PCDHA1: variants seen among roughly 807,000 people sequenced by gnomAD.
The protein encoded by PCDHA1 is protocadherin alpha-1.
In PCDHA1, 42 loss-of-function variants were observed where a neutral mutation model predicts 61.3. The observed-to-expected ratio is 0.69, with a 90% confidence interval of 0.54 to 0.89. The LOEUF (loss-of-function observed/expected upper bound fraction) is 0.89. Ranked by LOEUF, PCDHA1 falls within the 40% of genes least tolerant of loss-of-function variation. PCDHA1 has a pLI of 0.00. For missense variants in PCDHA1, 1,256 were observed against 1,235.3 expected (o/e 1.02, Z -0.25); for synonymous variants, 610 against 553.8 (o/e 1.10, Z -1.43).
At chr5:140,794,038 C>A (rs190893090) in intron 1 of PCDHA1, among the ~76,000 whole-genome samples, 5 of 152,258 alleles carry the variant, frequency 3.3e-5, no homozygotes, top group African/African-American at 1.2e-4. Context: ...GAATTGAAAG[C>A]AGGGTCTCAA....
At chr5:140,942,705 T>TA (rs1220612434) in intron 1 of PCDHA1, among the ~76,000 whole-genome samples, 1 of 152,100 alleles carries the variant, frequency 6.6e-6, no homozygotes, top group Non-Finnish European at 1.5e-5. Flanking sequence ...AAATATGAAG[T>TA]AAAAGTATGA....
At chr5:140,937,386 G>T (rs1450799946) in intron 1 of PCDHA1, among the ~76,000 whole-genome samples, 2 of 152,092 alleles carry the variant, frequency 1.3e-5, no homozygotes, top group African/African-American at 4.8e-5. Context: ...GTGTGTATGT[G>T]TATATAGGGG....
chr5:140,988,574 T>C (rs538316418), intron 3 of PCDHA1, among the ~76,000 whole-genome samples: 1 of 152,342 alleles, frequency 6.6e-6, no homozygotes, highest in East Asian at 1.9e-4. Context: ...GAAAACACTC[T>C]GTACCTTCCA....
intron 1 of PCDHA1, chr5:140,859,624 G>C (rs11749013): frequency 0.2 from 31,664 of 160,658 alleles, 6,158 homozygotes; most frequent in Middle Eastern, 0.25. Context: ...TTCTCTTTGA[G>C]TATGGAGATT....
At chr5:140,865,279 T>C (rs2048807818) in intron 1 of PCDHA1, 1 of 152,232 alleles carries the variant, frequency 6.6e-6, no homozygotes, top group African/African-American at 2.4e-5. Flanking sequence ...TATGTAAAAT[T>C]ACTTTGCTCT....
rs1263474406 is a variant in PCDHA1, at chr5:140,967,341, A to G, written c.2395-11608A>G. ...ACCTACGAGCTCAGCCCCAGCGAGCACTTCGAGCTGGACCTTAAGCCCCTG... is the reference window on the plus strand; with the variant it reads ...ACCTACGAGCTCAGCCCCAGCGAGCGCTTCGAGCTGGACCTTAAGCCCCTG... On this transcript the variant is annotated intron_variant, in intron 1 of 3. Coordinates refer to ENST00000504120, the MANE Select transcript of PCDHA1 (RefSeq NM_018900.4). 3 of 1,607,922 alleles carry G rather than the reference A, an allele frequency of 1.9e-6. No homozygotes were observed. The highest frequency in any genetic ancestry group is 1.3e-5 in the African/African-American group (1 of 74,782).
intron 1 of PCDHA1, chr5:140,805,239 T>A (rs1352814406): frequency 1.2e-5 from 16 of 1,347,520 alleles, no homozygotes; most frequent in Non-Finnish European, 9.5e-7. Flanking sequence ...GCATTCCCCA[T>A]CTGTACATTA....
In PCDHA1 at chr5:140,823,639, C is replaced by T. The variant is rs1207505503; in HGVS notation, c.2394+34955C>T. On this transcript the variant is annotated intron_variant, in intron 1 of 3. Coordinates refer to ENST00000504120, the MANE Select transcript of PCDHA1 (RefSeq NM_018900.4). Reference sequence around the variant, plus strand: ...GCCTGGCAGTGCGCGCATCCCGTTCCGCGTGGGGCTGTACACAGGCGAGAT... The same window carrying T: ...GCCTGGCAGTGCGCGCATCCCGTTCTGCGTGGGGCTGTACACAGGCGAGAT... 6 of 1,613,894 alleles carry T rather than the reference C, an allele frequency of 3.7e-6. No individual in the cohort carries two copies. In the Admixed American group the frequency reaches 8.3e-5, roughly 22 times the overall value.
chr5:140,990,022 G>A (rs891983888), intron 3 of PCDHA1, among the ~76,000 whole-genome samples: 1 of 152,156 alleles, frequency 6.6e-6, no homozygotes, highest in African/African-American at 2.4e-5. Flanking sequence ...GCTAGGCAAA[G>A]GATGGGAGAA....
intron 1 of PCDHA1, chr5:140,855,963 A>C (rs1291137660): frequency 1.4e-6 from 2 of 1,404,396 alleles, no homozygotes; most frequent in Non-Finnish European, 1.9e-6. Context: ...TAAAAAATAG[A>C]TATAAGAAAT....
intron 2 of PCDHA1, 157 bp from the exon 3 acceptor site, chr5:140,982,318 G>C (rs2096977750): frequency 6.6e-6 from 9 of 1,356,910 alleles, no homozygotes; most frequent in Non-Finnish European, 8.8e-6. Flanking sequence ...AGTTTATGCA[G>C]GGTGACTGCT....
At chr5:141,003,053 C>T (rs1554258899) in intron 3 of PCDHA1, among the ~76,000 whole-genome samples, 3 of 152,206 alleles carry the variant, frequency 2.0e-5, no homozygotes, top group African/African-American at 7.2e-5. Flanking sequence ...CTTAACAGAA[C>T]AGTTCCAAAT....
At chr5:140,880,010 A>G (rs958851507) in intron 1 of PCDHA1, among the ~76,000 whole-genome samples, 1 of 152,232 alleles carries the variant, frequency 6.6e-6, no homozygotes, top group African/African-American at 2.4e-5. Flanking sequence ...TATTCACCAT[A>G]TAAAGTAAAA....
At chr5:140,869,242 C>T (rs781799282) in intron 1 of PCDHA1, 1 of 1,613,610 alleles carries the variant, frequency 6.2e-7, no homozygotes, top group East Asian at 2.2e-5. Context: ...CTTCGTGGGC[C>T]GCATCGCGCA....
intron 1 of PCDHA1, chr5:140,796,521 G>A (rs372532219): frequency 9.3e-6 from 15 of 1,612,336 alleles, no homozygotes; most frequent in Admixed American, 3.3e-5. Context: ...AGGTGTACGC[G>A]CTGCAGCCGC....
intron 1 of PCDHA1, among the ~76,000 whole-genome samples, chr5:140,878,613 C>T (rs1413546987): frequency 1.3e-5 from 2 of 152,184 alleles, no homozygotes; most frequent in Admixed American, 6.5e-5. Context: ...TTCTAATGTG[C>T]ATTTTACATA....
rs2150289846 is a variant in PCDHA1, at chr5:140,838,476, G to A, written c.2394+49792G>A. On this transcript the variant is annotated intron_variant, in intron 1 of 3. Transcript: ENST00000504120. ...ATTATTTCATTAGCGCTTATTCCTT[G>A]TTTTTGATTATTTGCTTTCTTATTT... Among the ~76,000 whole-genome samples, 461 of 151,412 alleles carry A rather than the reference G, an allele frequency of 3.0e-3. 6 individuals carry two copies. Among genetic ancestry groups the A allele is most frequent in the Middle Eastern group, 0.014 (4 of 294 alleles).
rs1554262683 is a variant in PCDHA1 at position 141,010,108 on chromosome 5, G to A, written c.*171G>A. 23 of 1,611,296 alleles carry A rather than the reference G, an allele frequency of 1.4e-5. No homozygotes were observed. Among genetic ancestry groups the A allele is most frequent in the East Asian group, 4.5e-5 (2 of 44,852 alleles). On this transcript the variant is annotated 3_prime_UTR_variant, in exon 4 of 4. Transcript: ENST00000504120. ...TAGAACGCATTTAACAGGTTTTGTC[G>A]TAAAAGCTTTACTAAGTCTGGTGTT...
intron 1 of PCDHA1, among the ~76,000 whole-genome samples, chr5:140,889,953 A>G (rs2062443064): frequency 6.6e-6 from 1 of 152,214 alleles, no homozygotes; most frequent in Non-Finnish European, 1.5e-5. Context: ...AGCCAAATGG[A>G]TAGAAAAATT....
Sources: allele counts gnomAD v4.1 joint callset (sites outside exome capture counted in the v4.1 genomes callset), GRCh38; gene constraint gnomAD v4.1.1; transcripts MANE v1.5; gene names NCBI Gene and HGNC (gene_info 2026-07-23, HGNC 2026-07-21).